Variants in LONP2 observed in about 807,000 individuals in gnomAD.
LONP2 encodes lon protease homolog 2, peroxisomal.
LONP2 carries 60 observed loss-of-function variants against 85.6 expected under a neutral mutation model. The observed-to-expected ratio is 0.70, with a 90% CI of 0.57 to 0.87. LONP2 has a LOEUF of 0.87. Ranked by LOEUF, LONP2 falls within the 40% of genes least tolerant of loss-of-function variation. The pLI is 0.00. For missense variants in LONP2, 860 were observed against 1,063.5 expected (o/e 0.81, Z 2.66); for synonymous variants, 395 against 389.7 (o/e 1.01, Z -0.16).
intron 3 of LONP2, 89 bp from the exon 4 acceptor site, chr16:48,258,529 C>A: frequency 7.5e-7 from 1 of 1,337,576 alleles, no homozygotes; most frequent in Non-Finnish European, 1.0e-6. Context: ...TTTTTTTTAA[C>A]TTGGCAATTT....
chr16:48,253,934 A>T (rs566866848), intron 2 of LONP2, among the ~76,000 whole-genome samples: 1 of 152,146 alleles, frequency 6.6e-6, no homozygotes, highest in Non-Finnish European at 1.5e-5. Flanking sequence ...CATTGAGTTA[A>T]TGTATACTAA....
intron 12 of LONP2, among the ~76,000 whole-genome samples, chr16:48,341,018 T>G (rs1169235999): frequency 6.6e-6 from 1 of 150,456 alleles, no homozygotes; most frequent in East Asian, 2.0e-4. Context: ...GCTCCAGCAT[T>G]AGGCCAGGTG....
intron 7 of LONP2, among the ~76,000 whole-genome samples, chr16:48,274,380 G>A (rs749789145): frequency 6.6e-6 from 1 of 152,016 alleles, no homozygotes; most frequent in Non-Finnish European, 1.5e-5. Context: ...TTAACATGGT[G>A]CTAAATGTGG....
Position 48,356,696 on chromosome 16 carries a change from C to A in LONP2, c.*4894C>A. 1 of 386,928 alleles carries A rather than the reference C, an allele frequency of 2.6e-6. No homozygotes were observed. The highest frequency in any genetic ancestry group is 5.2e-6 in the Non-Finnish European group (1 of 192,670). The allele number at this position is 386,928 out of a possible 1,614,324, so 24.0% of individuals were successfully genotyped here. A position where few individuals can be genotyped will look rare whatever the true frequency, so the allele number is the denominator to read the frequency against. On this transcript the variant is annotated 3_prime_UTR_variant, in exon 15 of 15. Transcript: ENST00000285737. Reference sequence around the variant, plus strand: ...GAAATATCAAAAAGGTCTGAATAGACAACAGGCAAATATGGTGAGTGGTCA... The same window carrying A: ...GAAATATCAAAAAGGTCTGAATAGAAAACAGGCAAATATGGTGAGTGGTCA...
intron 11 of LONP2, among the ~76,000 whole-genome samples, chr16:48,317,731 G>GCTAGTA (rs1235699729): frequency 6.6e-6 from 1 of 152,174 alleles, no homozygotes; most frequent in Non-Finnish European, 1.5e-5. Context: ...TGGAGAAAAG[G>GCTAGTA]CTAGTGGTTG....
chr16:48,352,042 GAT>G lies in LONP2; in HGVS notation c.*244_*245del. ...GTGGGATCCTTACTGTCCCTGGAAA[GAT>G]ATAGCATAGTGGTTCTCAGCACAGT... On this transcript the variant is annotated 3_prime_UTR_variant, in exon 15 of 15. Transcript: ENST00000285737. The G allele has an allele frequency of 1.9e-6, 1 of 528,774 alleles. No homozygotes were observed. The highest frequency in any genetic ancestry group is 3.4e-6 in the Non-Finnish European group (1 of 296,812). The allele number at this position is 528,774 out of a possible 1,614,324, so 32.8% of individuals were successfully genotyped here.
At chr16:48,255,196 G>T (rs1407834885) in intron 2 of LONP2, among the ~76,000 whole-genome samples, 2 of 152,168 alleles carry the variant, frequency 1.3e-5, no homozygotes, top group Admixed American at 1.3e-4. Flanking sequence ...CATGCTTCAT[G>T]CCTGAGACTA....
intron 12 of LONP2, among the ~76,000 whole-genome samples, chr16:48,342,854 G>A (rs1249532627): frequency 6.6e-6 from 1 of 152,284 alleles, no homozygotes; most frequent in East Asian, 1.9e-4. Context: ...ACCAGTTGAT[G>A]GTGTGAACAC....
intron 11 of LONP2, among the ~76,000 whole-genome samples, chr16:48,331,535 G>T (rs1032760807): frequency 6.6e-6 from 1 of 151,868 alleles, no homozygotes; most frequent in African/African-American, 2.4e-5. Context: ...GATAAATAGT[G>T]CATTGCTCTT....
intron 8 of LONP2, among the ~76,000 whole-genome samples, chr16:48,289,956 A>G (rs1972525777): frequency 6.6e-6 from 1 of 152,154 alleles, no homozygotes; most frequent in Non-Finnish European, 1.5e-5. Flanking sequence ...ATTTTAAACT[A>G]GTGATAATTT....
chr16:48,348,688 C>G (rs1960050375), intron 14 of LONP2, among the ~76,000 whole-genome samples: 1 of 151,994 alleles, frequency 6.6e-6, no homozygotes, highest in Non-Finnish European at 1.5e-5. Context: ...GAGACAGGGT[C>G]TCTCTGTGTT....
chr16:48,291,028 CAA>C (rs1249828687), intron 8 of LONP2, among the ~76,000 whole-genome samples: 2 of 152,164 alleles, frequency 1.3e-5, no homozygotes, highest in South Asian at 2.1e-4. Context: ...TGTCAGGAAA[CAA>C]AGAGATGAAG....
intron 11 of LONP2, among the ~76,000 whole-genome samples, chr16:48,320,287 A>G (rs1219160452): frequency 2.0e-5 from 3 of 151,600 alleles, no homozygotes; most frequent in Non-Finnish European, 4.4e-5. Context: ...AGAAGTTTGG[A>G]TTCGGTTTTG....
Position 48,258,646 on chromosome 16 carries a change from G to GCTC in LONP2, c.629_630insCTC (p.Arg210_Phe211insSer). 1 of 1,603,978 alleles carries GCTC rather than the reference G, an allele frequency of 6.2e-7. No homozygotes were observed. Among genetic ancestry groups the GCTC allele is most frequent in the Non-Finnish European group, 8.5e-7 (1 of 1,175,876 alleles). ...TTAGATGCTGTGAGCCTAGAGGAGC[G>GCTC]GTTCAAGATGACTATACCACTGCTT... On this transcript the variant is annotated inframe_insertion, in exon 4 of 15. Coordinates refer to ENST00000285737, the MANE Select transcript of LONP2 (RefSeq NM_031490.5).
At chr16:48,293,161 G>C (rs1156301227) in intron 8 of LONP2, among the ~76,000 whole-genome samples, 1 of 152,166 alleles carries the variant, frequency 6.6e-6, no homozygotes, top group African/African-American at 2.4e-5. Context: ...AGGCATGGTG[G>C]CTCATGCCTG....
chr16:48,340,201 G>A (rs1234438202), intron 12 of LONP2, among the ~76,000 whole-genome samples: 1 of 152,194 alleles, frequency 6.6e-6, no homozygotes, highest in East Asian at 1.9e-4. Context: ...TTGCAAGGCA[G>A]CCTCTTACTG....
intron 8 of LONP2, among the ~76,000 whole-genome samples, chr16:48,294,242 G>A (rs184010301): frequency 6.6e-6 from 1 of 152,232 alleles, no homozygotes; most frequent in African/African-American, 2.4e-5. Flanking sequence ...TGCCCGGCCT[G>A]TGAACAGTTT....
At chr16:48,282,272 A>T (rs149575579) in intron 8 of LONP2, among the ~76,000 whole-genome samples, 2 of 151,960 alleles carry the variant, frequency 1.3e-5, no homozygotes, top group East Asian at 3.9e-4. Flanking sequence ...TTAGCTGGGC[A>T]TGGTCGTGCA....
rs545122002 is a variant in LONP2, at chr16:48,298,769, G to A, written c.1535-893G>A. 1.5e-4 allele frequency among the ~76,000 whole-genome samples: 23 copies of A among 152,142 alleles called. No homozygotes were observed. In the South Asian group the frequency reaches 4.1e-3, roughly 27 times the overall value. Reference sequence around the variant, plus strand: ...AAAGAGATAATTGTCTCTAAGATTTGAGGTGTTTTCCTCTTTGGGAAATAT... The same window carrying A: ...AAAGAGATAATTGTCTCTAAGATTTAAGGTGTTTTCCTCTTTGGGAAATAT... On this transcript the variant is annotated intron_variant, in intron 9 of 14. Coordinates refer to ENST00000285737, the MANE Select transcript of LONP2 (RefSeq NM_031490.5).
Sources: allele counts gnomAD v4.1 joint callset (sites outside exome capture counted in the v4.1 genomes callset), GRCh38; gene constraint gnomAD v4.1.1; transcripts MANE v1.5; gene names NCBI Gene and HGNC (gene_info 2026-07-23, HGNC 2026-07-21).